Variants in TMEM212 observed in about 807,000 individuals in gnomAD.
The protein encoded by TMEM212 is transmembrane protein 212.
Under a neutral mutation model 20.5 loss-of-function variants are expected in TMEM212, and 23 were observed. That is an observed-to-expected ratio of 1.12 (90% CI 0.81 to 1.59). The LOEUF (loss-of-function observed/expected upper bound fraction) is 1.59. Ranked by LOEUF, TMEM212 falls within the 40% of genes most tolerant of loss-of-function variation. The pLI is 0.00. For synonymous variants in TMEM212, 76 were observed against 81.6 expected (o/e 0.93, Z 0.37); for missense variants, 211 against 215.0 (o/e 0.98, Z 0.12).
At position 171,858,942 on chromosome 3, in the gene TMEM212, C is replaced by A. The variant is rs1452168374; in HGVS notation, c.*885C>A. ...TAGATTGGATTAAGAAAATGTGGCA[C>A]ATATACACCATGGAATACTACGCAG... On this transcript the variant is annotated 3_prime_UTR_variant, in exon 5 of 5. Coordinates refer to ENST00000334567, the MANE Select transcript of TMEM212 (RefSeq NM_001164436.2). 4 of 152,160 alleles carry A rather than the reference C, an allele frequency of 2.6e-5. No homozygotes were observed. Among genetic ancestry groups the A allele is most frequent in the Non-Finnish European group, 5.9e-5 (4 of 68,060 alleles). The allele number at this position is 152,160 out of a possible 1,614,324, so 9.4% of individuals were successfully genotyped here.
At chr3:171,854,279 C>A (rs1452195007) in intron 3 of TMEM212, among the ~76,000 whole-genome samples, 1 of 151,578 alleles carries the variant, frequency 6.6e-6, no homozygotes, top group Non-Finnish European at 1.5e-5. Flanking sequence ...ATATATATAC[C>A]CTAAAGACTC....
At chr3:171,857,898 G>A (rs955603908) in intron 4 of TMEM212, among the ~76,000 whole-genome samples, 163 bp from the exon 5 acceptor site, 1 of 151,582 alleles carries the variant, frequency 6.6e-6, no homozygotes, top group Middle Eastern at 3.4e-3. Flanking sequence ...GAGATAACAA[G>A]TGTTGGTGAG....
chr3:171,854,424 T>C (rs1725064037), intron 3 of TMEM212, among the ~76,000 whole-genome samples: 1 of 151,984 alleles, frequency 6.6e-6, no homozygotes, highest in Admixed American at 6.6e-5. Context: ...AATAAAATAC[T>C]TAAGATAAAT....
rs1345973290 is a variant in TMEM212, at chr3:171,852,184, A to T, written c.219+143A>T. On this transcript the variant is annotated intron_variant, in intron 2 of 4. Transcript: ENST00000334567. The stretch of plus-strand genomic sequence containing the variant: ...GATGCCTTACTACAATGGATTTCAG[A>T]AATAAACTCTGTTTTAAAAGATTTT... 4.5e-6 allele frequency: 3 copies of T among 669,402 alleles called. No homozygotes were observed. In the Admixed American group the frequency reaches 8.7e-5, roughly 19 times the overall value. The allele number at this position is 669,402 out of a possible 1,614,324, so 41.5% of individuals were successfully genotyped here.
chr3:171,844,489 C>T (rs527640858), intron 1 of TMEM212, among the ~76,000 whole-genome samples: 1 of 152,230 alleles, frequency 6.6e-6, no homozygotes, highest in South Asian at 2.1e-4. Context: ...GAGCGGATCA[C>T]GAGGTCAGGA....
chr3:171,846,163 G>T (rs551704775), intron 1 of TMEM212, among the ~76,000 whole-genome samples: 1 of 152,102 alleles, frequency 6.6e-6, no homozygotes, highest in Non-Finnish European at 1.5e-5. Flanking sequence ...ATGTGTTTCT[G>T]CCTCAGGGCC....
chr3:171,851,561 G>A (rs1724976926), intron 1 of TMEM212, among the ~76,000 whole-genome samples: 1 of 152,210 alleles, frequency 6.6e-6, no homozygotes, highest in East Asian at 1.9e-4. Flanking sequence ...AGAGAAAGTC[G>A]CCTCAGGGTT....
intron 1 of TMEM212, among the ~76,000 whole-genome samples, chr3:171,849,662 A>G (rs1390789293): frequency 6.6e-6 from 1 of 152,174 alleles, no homozygotes. Flanking sequence ...GAATAAATTA[A>G]CCATATTAAT....
Position 171,851,195 on chromosome 3 carries a change from TAAG to T in TMEM212, c.160-784_160-782del, listed in dbSNP as rs887362382. ...CCAAGAACAAATGATATATGCGGAT[TAAG>T]AATAAGCTATTTCCAGTCTCAGTGA... On this transcript the variant is annotated intron_variant, in intron 1 of 4. Transcript: ENST00000334567. 1.5e-4 allele frequency among the ~76,000 whole-genome samples: 23 copies of T among 152,336 alleles called. 1 individual carries two copies. The Middle Eastern group carries it at 0.01, about 68-fold the overall frequency.
chr3:171,851,050 A>G (rs1381204537), intron 1 of TMEM212, among the ~76,000 whole-genome samples: 1 of 152,190 alleles, frequency 6.6e-6, no homozygotes, highest in Non-Finnish European at 1.5e-5. Flanking sequence ...GTGTACATAC[A>G]GTCATGCTTA....
In TMEM212 at chr3:171,851,363, C is replaced by T. The variant is rs76057896; in HGVS notation, c.160-619C>T. Among the ~76,000 whole-genome samples the T allele has an allele frequency of 4.4e-3, 674 of 152,292 alleles. 5 individuals carry two copies. Among genetic ancestry groups the T allele is most frequent in the African/African-American group, 0.015 (644 of 41,564 alleles). ...TTCATTCCACACTGTGGGCCTTTTTCCTTCAACAGAGACTATAAAGAAAAA... is the reference window on the plus strand; with the variant it reads ...TTCATTCCACACTGTGGGCCTTTTTTCTTCAACAGAGACTATAAAGAAAAA... On this transcript the variant is annotated intron_variant, in intron 1 of 4. Transcript: ENST00000334567.
At position 171,858,914 on chromosome 3, in the gene TMEM212, T is replaced by C. The variant is rs1725183675; in HGVS notation, c.*857T>C. 6.6e-6 allele frequency: 1 copy of C among 152,060 alleles called. No individual in the cohort carries two copies. The highest frequency in any genetic ancestry group is 2.1e-4 in the South Asian group (1 of 4,828). The allele number at this position is 152,060 out of a possible 1,614,324, so 9.4% of individuals were successfully genotyped here. A position where few individuals can be genotyped will look rare whatever the true frequency, so the allele number is the denominator to read the frequency against. On this transcript the variant is annotated 3_prime_UTR_variant, in exon 5 of 5. Transcript: ENST00000334567. ...TGGAACCAACCCAAATATCCATCAA[T>C]GATAGATTGGATTAAGAAAATGTGG...
chr3:171,851,145 C>T (rs906918136), intron 1 of TMEM212, among the ~76,000 whole-genome samples: 2 of 152,154 alleles, frequency 1.3e-5, no homozygotes, highest in Non-Finnish European at 2.9e-5. Flanking sequence ...TCCTCTTTCT[C>T]GCTCAACCTC....
chr3:171,854,900 C>T (rs1394884559), intron 3 of TMEM212, among the ~76,000 whole-genome samples: 1 of 151,956 alleles, frequency 6.6e-6, no homozygotes, highest in Non-Finnish European at 1.5e-5. Flanking sequence ...ATATTTAGGA[C>T]AAAACAGAAA....
At chr3:171,849,915 G>C (rs1370332379) in intron 1 of TMEM212, among the ~76,000 whole-genome samples, 9 of 151,906 alleles carry the variant, frequency 5.9e-5, no homozygotes, top group Non-Finnish European at 1.3e-4. Flanking sequence ...TGCAGGATGG[G>C]GGCCCTCTCT....
chr3:171,847,930 G>A (rs1724876478), intron 1 of TMEM212, among the ~76,000 whole-genome samples: 1 of 152,186 alleles, frequency 6.6e-6, no homozygotes, highest in Non-Finnish European at 1.5e-5. Context: ...ATGGGCCTAG[G>A]AGAAGGTTCA....
chr3:171,847,988 C>A (rs1724877549), intron 1 of TMEM212, among the ~76,000 whole-genome samples: 1 of 152,138 alleles, frequency 6.6e-6, no homozygotes, highest in African/African-American at 2.4e-5. Context: ...GTCAATGGTC[C>A]ATTTTTCCAC....
intron 1 of TMEM212, among the ~76,000 whole-genome samples, chr3:171,846,444 A>G (rs1724834797): frequency 6.6e-6 from 1 of 152,152 alleles, no homozygotes; most frequent in African/African-American, 2.4e-5. Context: ...CCTCTAACAA[A>G]TGTATATTGT....
At chr3:171,856,037 C>A (rs934543343) in intron 3 of TMEM212, among the ~76,000 whole-genome samples, 5 of 152,002 alleles carry the variant, frequency 3.3e-5, no homozygotes, top group Admixed American at 6.6e-5. Flanking sequence ...TAGGCCAGTG[C>A]AACAAAAGTT....
Sources: allele counts gnomAD v4.1 joint callset (sites outside exome capture counted in the v4.1 genomes callset), GRCh38; gene constraint gnomAD v4.1.1; transcripts MANE v1.5; gene names NCBI Gene and HGNC (gene_info 2026-07-23, HGNC 2026-07-21).